ZNF608: variants seen among roughly 807,000 people sequenced by gnomAD.
ZNF608 encodes renal carcinoma antigen NY-REN-36.
In ZNF608, 12 loss-of-function variants were observed where a neutral mutation model predicts 109.0. The ratio of observed to expected loss-of-function variants is 0.11; its 90% CI spans 0.07 to 0.18. The LOEUF (loss-of-function observed/expected upper bound fraction) is 0.18, where lower values mean the gene tolerates loss of function less well. ZNF608 is among the 10% of genes least tolerant of loss of function. ZNF608 has a pLI of 1.00. For missense variants in ZNF608, 1,707 were observed against 1,879.3 expected (o/e 0.91, Z 1.70); for synonymous variants, 732 against 717.4 (o/e 1.02, Z -0.33).
intron 2 of ZNF608, among the ~76,000 whole-genome samples, chr5:124,706,753 C>T (rs1453217624): frequency 6.6e-6 from 1 of 152,180 alleles, no homozygotes; most frequent in African/African-American, 2.4e-5. Flanking sequence ...ACCCATAAGT[C>T]TAACAGCTGG....
intron 2 of ZNF608, chr5:124,734,497 C>T (rs531208855): frequency 1.3e-5 from 2 of 152,346 alleles, no homozygotes; most frequent in African/African-American, 4.8e-5. Flanking sequence ...GAACTAGGTC[C>T]ATTCTCCTAA....
rs1001713746 is a variant in ZNF608 at position 124,656,036 on chromosome 5, GT to G, written c.1163-6340del. Among the ~76,000 whole-genome samples the G allele has an allele frequency of 2.1e-3, 312 of 149,668 alleles. 1 individual carries two copies. Among genetic ancestry groups the G allele is most frequent in the African/African-American group, 7.4e-3 (301 of 40,862 alleles). On this transcript the variant is annotated intron_variant, in intron 3 of 9. Coordinates refer to ENST00000513986, the MANE Select transcript of ZNF608 (RefSeq NM_020747.3). ...GTCACATGACCATAAAATGCAGTAT[GT>G]TTTTTTTTTAAAGAGCCCTACCGCT... is the stretch of plus-strand genomic sequence containing the variant.
intron 3 of ZNF608, among the ~76,000 whole-genome samples, chr5:124,671,722 A>C (rs1751732493): frequency 6.7e-6 from 1 of 150,176 alleles, no homozygotes; most frequent in Non-Finnish European, 1.5e-5. Flanking sequence ...TGCAGCCTCA[A>C]CCTCCTGGGC....
chr5:124,709,832 G>A (rs1462696602), intron 2 of ZNF608, among the ~76,000 whole-genome samples: 1 of 152,150 alleles, frequency 6.6e-6, no homozygotes, highest in East Asian at 1.9e-4. Flanking sequence ...GGAGACCATC[G>A]TAAAGGCACT....
chr5:124,647,628 A>G lies in ZNF608; in HGVS notation c.2756T>C (p.Leu919Pro). The G allele has an allele frequency of 6.2e-7, 1 of 1,614,192 alleles. No homozygotes were observed. The stretch of plus-strand genomic sequence containing the variant: ...TGCCCCATTCTGGGTCAACACATGC[A>G]GAGGTGCCATTGGTGCCTGCCCGTT... ...LVNGQAPMAP[L>P]HVLTQNGAES... Residue 919 changes from leucine to proline, a missense_variant, in exon 5 of 10, where the codon CTG becomes CCG. Around this residue, in one of 7 missense-constraint regions of ZNF608, gnomAD observed 1,073 missense variants for 1,133.5 expected, o/e 0.95. Coordinates refer to ENST00000513986, the MANE Select transcript of ZNF608 (RefSeq NM_020747.3).
chr5:124,706,972 G>C (rs2149859019), intron 2 of ZNF608, among the ~76,000 whole-genome samples: 1 of 152,324 alleles, frequency 6.6e-6, no homozygotes, highest in Non-Finnish European at 1.5e-5. Context: ...TACACAGAGA[G>C]CGGCACTTAG....
chr5:124,650,387 G>A (rs1460626723), intron 3 of ZNF608, among the ~76,000 whole-genome samples: 1 of 152,184 alleles, frequency 6.6e-6, no homozygotes, highest in Non-Finnish European at 1.5e-5. Context: ...GAAAACAAAT[G>A]TGCACAATAG....
At chr5:124,688,751 C>T (rs1752494944) in intron 3 of ZNF608, among the ~76,000 whole-genome samples, 1 of 152,134 alleles carries the variant, frequency 6.6e-6, no homozygotes, top group Admixed American at 6.5e-5. Flanking sequence ...ATGTAAATAT[C>T]CATTGTTAAT....
At chr5:124,693,348 C>G (rs1752693420) in intron 3 of ZNF608, among the ~76,000 whole-genome samples, 1 of 152,188 alleles carries the variant, frequency 6.6e-6, no homozygotes, top group Non-Finnish European at 1.5e-5. Context: ...CTTACTAATT[C>G]CTTCTTTACA....
rs530645018 is a variant in ZNF608 at position 124,651,796 on chromosome 5, C to A, written c.1163-2099G>T. On this transcript the variant is annotated intron_variant, in intron 3 of 9. Coordinates refer to ENST00000513986, the MANE Select transcript of ZNF608 (RefSeq NM_020747.3). ...GCTGGGCCGAGGCGGCCGCCCGGAG[C>A]ACAGAGGCAGCGGTCGGGTAGAGGT... Among the ~76,000 whole-genome samples, 400 of 152,360 alleles carry A rather than the reference C, an allele frequency of 2.6e-3. 2 individuals carry two copies. The highest frequency in any genetic ancestry group is 9.2e-3 in the African/African-American group (381 of 41,592).
chr5:124,674,153 A>G (rs1234256061), intron 3 of ZNF608, among the ~76,000 whole-genome samples: 2 of 152,208 alleles, frequency 1.3e-5, no homozygotes, highest in African/African-American at 4.8e-5. Context: ...TGTGGTATCC[A>G]GGAATCTGCA....
chr5:124,743,184 G>T, intron 2 of ZNF608, among the ~76,000 whole-genome samples: 1 of 152,256 alleles, frequency 6.6e-6, no homozygotes, highest in East Asian at 1.9e-4. Context: ...GGGTCCAAAT[G>T]GTCTAAATCA....
intron 3 of ZNF608, among the ~76,000 whole-genome samples, chr5:124,672,440 A>C (rs1165763130): frequency 1.3e-5 from 2 of 152,248 alleles, no homozygotes. Flanking sequence ...CAATTACCTC[A>C]GTAAGGCTAA....
intron 5 of ZNF608, among the ~76,000 whole-genome samples, chr5:124,645,727 T>C (rs1468452783): frequency 2.6e-5 from 4 of 152,108 alleles, no homozygotes; most frequent in Admixed American, 2.6e-4. Flanking sequence ...GACTGACCCA[T>C]GGGGCTCTGG....
At chr5:124,639,299 A>G (rs1580512270) in intron 8 of ZNF608, 85 bp from the exon 9 acceptor site, 1 of 1,128,906 alleles carries the variant, frequency 8.9e-7, no homozygotes. Context: ...CCGCAGACCT[A>G]GTAGCAGCAT....
intron 3 of ZNF608, among the ~76,000 whole-genome samples, chr5:124,671,659 T>TTG (rs1751728006): frequency 6.6e-6 from 1 of 151,076 alleles, no homozygotes; most frequent in African/African-American, 2.4e-5. Context: ...TTTTTTTTTT[T>TTG]TGAGACAGGG....
At chr5:124,643,707 C>T (rs1359168360) in intron 6 of ZNF608, 24 bp from the exon 7 acceptor site, 3 of 1,612,236 alleles carry the variant, frequency 1.9e-6, no homozygotes, top group Admixed American at 1.7e-5. Context: ...ACAAATGCCA[C>T]ATCAAGTTAC....
intron 3 of ZNF608, among the ~76,000 whole-genome samples, chr5:124,652,249 T>C (rs1347813733): frequency 2.0e-5 from 3 of 152,324 alleles, no homozygotes; most frequent in South Asian, 2.1e-4. Context: ...AGACCTCTTA[T>C]CGAAGTACAA....
intron 3 of ZNF608, among the ~76,000 whole-genome samples, chr5:124,691,672 T>C (rs1170822493): frequency 6.6e-6 from 1 of 152,232 alleles, no homozygotes; most frequent in Non-Finnish European, 1.5e-5. Flanking sequence ...CTATCATATG[T>C]GACACCATGC....
Sources: allele counts gnomAD v4.1 joint callset (sites outside exome capture counted in the v4.1 genomes callset), GRCh38; gene constraint gnomAD v4.1.1; regional missense constraint gnomAD v4.1.1; transcripts MANE v1.5; gene names NCBI Gene and HGNC (gene_info 2026-07-23, HGNC 2026-07-21).